PHKB: variants seen among roughly 807,000 people sequenced by gnomAD.
PHKB encodes phosphorylase b kinase regulatory subunit beta.
PHKB carries 122 observed loss-of-function variants against 152.1 expected under a neutral mutation model. The ratio of observed to expected loss-of-function variants is 0.80; its 90% confidence interval spans 0.69 to 0.93. PHKB has a LOEUF of 0.93. Ranked by LOEUF, PHKB falls within the 40% of genes least tolerant of loss-of-function variation. The probability of loss-of-function intolerance (pLI) is 0.00; values close to 1 mark genes in which losing one functional copy is unlikely to be tolerated. For missense variants in PHKB, 1,304 were observed against 1,328.4 expected (o/e 0.98, Z 0.29); for synonymous variants, 436 against 464.9 (o/e 0.94, Z 0.80).
intron 6 of PHKB, among the ~76,000 whole-genome samples, chr16:47,517,030 A>G (rs754731128): frequency 3.3e-5 from 5 of 152,180 alleles, no homozygotes; most frequent in Admixed American, 6.5e-5. Flanking sequence ...TTTTAGATCA[A>G]TCTTAAAGAG....
At chr16:47,671,298 T>A (rs1431274416) in intron 26 of PHKB, among the ~76,000 whole-genome samples, 1 of 152,244 alleles carries the variant, frequency 6.6e-6, no homozygotes, top group African/African-American at 2.4e-5. Context: ...AGCACTATGC[T>A]GTATTTATTA....
chr16:47,659,219 A>G (rs1290454671), intron 20 of PHKB, among the ~76,000 whole-genome samples: 1 of 152,118 alleles, frequency 6.6e-6, no homozygotes, highest in Admixed American at 6.5e-5. Context: ...CCATCCTACC[A>G]TCTGTAAATG....
At chr16:47,602,633 C>T (rs892671875) in intron 13 of PHKB, among the ~76,000 whole-genome samples, 1 of 146,880 alleles carries the variant, frequency 6.8e-6, no homozygotes. Context: ...AGGAATCAGA[C>T]AGTCCAGGAT....
At position 47,499,694 on chromosome 16, in the gene PHKB, C is replaced by G. The variant is rs776252447; in HGVS notation, c.167-62C>G. The G allele has an allele frequency of 7.4e-5, 118 of 1,597,880 alleles. 1 individual carries two copies. Among genetic ancestry groups the G allele is most frequent in the Non-Finnish European group, 9.9e-5 (115 of 1,165,786 alleles). On this transcript the variant is annotated intron_variant, in intron 2 of 30. Transcript: ENST00000323584. ...ATGAGGAAACCAAAGAAGATTAAAA[C>G]ATTTAGCCCAAGGAAAGTCGCTGAC...
rs200655920 is a variant in PHKB at position 47,495,190 on chromosome 16, C to CTTT, written c.77-2196_77-2194dup. Reference sequence around the variant, plus strand: ...TTTATTGTTGCCTCTAACAGAACTCCTTTTTTTTTTTTTTTAAGAAAAATT... The same window carrying CTTT: ...TTTATTGTTGCCTCTAACAGAACTCCTTTTTTTTTTTTTTTTTTAAGAAAAATT... On this transcript the variant is annotated intron_variant, in intron 1 of 30. Coordinates refer to ENST00000323584, the MANE Select transcript of PHKB (RefSeq NM_000293.3). Among the ~76,000 whole-genome samples the CTTT allele has an allele frequency of 7.5e-3, 1,033 of 137,398 alleles. 16 individuals carry two copies. Among genetic ancestry groups the CTTT allele is most frequent in the African/African-American group, 0.026 (977 of 37,638 alleles). 90.1% of individuals were successfully genotyped at this position (137,398 alleles called of 152,430 possible).
intron 14 of PHKB, among the ~76,000 whole-genome samples, chr16:47,628,975 G>GT (rs1972767454): frequency 6.6e-6 from 1 of 152,150 alleles, no homozygotes. Context: ...GCCATATGTA[G>GT]AAAGCTGAAA....
At position 47,461,403 on chromosome 16, in the gene PHKB, GAAGAGCTC is replaced by G. The variant is rs1206931901; in HGVS notation, c.54_61del (p.Arg19AspfsTer9). On this transcript the variant is annotated frameshift_variant, in exon 1 of 31. Transcript: ENST00000323584. LOFTEE classifies it high-confidence loss of function. ...GAAGTGAGCTGGAAGGTCTTGGAGC[GAAGAGCTC>G]GGACCAAGCGCTCAGGTTTGGCTGG... The G allele has an allele frequency of 1.9e-6, 3 of 1,613,104 alleles. No homozygotes were observed. The highest frequency in any genetic ancestry group is 2.5e-6 in the Non-Finnish European group (3 of 1,179,800).
intron 16 of PHKB, among the ~76,000 whole-genome samples, chr16:47,642,838 C>T (rs1973049264): frequency 6.6e-6 from 1 of 152,050 alleles, no homozygotes; most frequent in African/African-American, 2.4e-5. Flanking sequence ...ACAAGGATCC[C>T]TAGAGTAGGT....
At chr16:47,661,944 G>T in intron 23 of PHKB, 144 bp downstream of exon 23, 2 of 697,720 alleles carry the variant, frequency 2.9e-6, no homozygotes, top group Non-Finnish European at 5.2e-6. Context: ...AATGGAAAAT[G>T]TTCATTCATA....
At chr16:47,621,355 G>C (rs572171962) in intron 14 of PHKB, among the ~76,000 whole-genome samples, 1 of 152,234 alleles carries the variant, frequency 6.6e-6, no homozygotes, top group South Asian at 2.1e-4. Flanking sequence ...TCCTAATTTG[G>C]TAGATACATT....
At chr16:47,601,970 T>C (rs1462246238) in intron 13 of PHKB, among the ~76,000 whole-genome samples, 2 of 152,168 alleles carry the variant, frequency 1.3e-5, no homozygotes, top group Non-Finnish European at 2.9e-5. Context: ...AACTTAAATA[T>C]TAAGCAATTT....
Position 47,577,135 on chromosome 16 carries a change from T to G in PHKB, c.711-3160T>G, listed in dbSNP as rs952823055. Among the ~76,000 whole-genome samples the G allele has an allele frequency of 2.6e-5, 4 of 152,256 alleles. No homozygotes were observed. The East Asian group carries it at 7.7e-4, about 29-fold the overall frequency. ...TACCTTCCTGTGGGTACTTAAAGAT[T>G]TTTTTAAAATCTCTTTTTGATTTAT... On this transcript the variant is annotated intron_variant, in intron 7 of 30. Coordinates refer to ENST00000323584, the MANE Select transcript of PHKB (RefSeq NM_000293.3).
intron 14 of PHKB, among the ~76,000 whole-genome samples, chr16:47,611,188 G>A (rs376415218): frequency 6.6e-6 from 1 of 152,184 alleles, no homozygotes; most frequent in East Asian, 1.9e-4. Flanking sequence ...TTGAGAAGAA[G>A]CAGTGCATCT....
Position 47,669,237 on chromosome 16 carries a change from A to G in PHKB, c.2450A>G (p.His817Arg), listed in dbSNP as rs987026344. 6.8e-6 allele frequency: 11 copies of G among 1,613,838 alleles called. No homozygotes were observed. Among genetic ancestry groups the G allele is most frequent in the African/African-American group, 1.3e-5 (1 of 74,914 alleles). The change falls in exon 26 of 31, where the codon CAT (histidine) becomes CGT (arginine). Residue 817 changes from histidine to arginine, a missense_variant. His to Arg is a conservative substitution (Grantham distance 29, BLOSUM62 0). Transcript: ENST00000323584. Reference protein sequence around the residue: ...GKQVTLGAFGHEEEVISNPLS... With the variant: ...GKQVTLGAFGREEEVISNPLS... ...TAGGTAACTCTGGGTGCCTTTGGGC[A>G]TGAAGAAGAAGTTATCTCTAATCCT... is the stretch of plus-strand genomic sequence containing the variant.
intron 6 of PHKB, among the ~76,000 whole-genome samples, chr16:47,530,823 AAAT>A (rs1340243966): frequency 1.3e-5 from 2 of 152,228 alleles, no homozygotes; most frequent in African/African-American, 4.8e-5. Flanking sequence ...ATATTAGCAT[AAAT>A]AATGTCAATA....
intron 25 of PHKB, among the ~76,000 whole-genome samples, chr16:47,667,565 A>C (rs536562306): frequency 6.6e-6 from 1 of 152,340 alleles, no homozygotes; most frequent in South Asian, 2.1e-4. Context: ...AAAATACAGG[A>C]AGTAACTTAT....
intron 1 of PHKB, among the ~76,000 whole-genome samples, chr16:47,466,682 GC>G (rs1381350989): frequency 6.6e-6 from 1 of 151,960 alleles, no homozygotes; most frequent in Non-Finnish European, 1.5e-5. Flanking sequence ...AATTTGATGG[GC>G]AAATCAGTAC....
chr16:47,677,042 G>T (rs1484002840), intron 26 of PHKB, among the ~76,000 whole-genome samples: 1 of 152,216 alleles, frequency 6.6e-6, no homozygotes, highest in African/African-American at 2.4e-5. Flanking sequence ...GAAGCTTAGA[G>T]AGAGCCATTG....
chr16:47,656,698 C>A (rs755238481), intron 20 of PHKB, among the ~76,000 whole-genome samples: 1 of 152,118 alleles, frequency 6.6e-6, no homozygotes, highest in Non-Finnish European at 1.5e-5. Flanking sequence ...CCCCACACTC[C>A]AGCCTCCATT....
Sources: gnomAD v4.1 joint callset for allele counts (sites outside exome capture counted in the v4.1 genomes callset) on GRCh38, gnomAD v4.1.1 for gene constraint, MANE v1.5 for transcripts, NCBI Gene and HGNC (gene_info 2026-07-23, HGNC 2026-07-21) for gene names.